MEGF11: variants seen among roughly 807,000 people sequenced by gnomAD.
MEGF11 encodes multiple EGF like domains 11, also known as multiple epidermal growth factor-like domains protein 11.
Under a neutral mutation model 146.6 loss-of-function variants are expected in MEGF11, and 126 were observed. That is an observed-to-expected ratio of 0.86 (90% CI 0.74 to 1.00). The LOEUF is 1.00. Ranked by LOEUF, MEGF11 falls within the 50% of genes least tolerant of loss-of-function variation. The probability of loss-of-function intolerance (pLI) is 0.00; values close to 1 mark genes in which losing one functional copy is unlikely to be tolerated. For synonymous variants in MEGF11, 532 were observed against 583.4 expected (o/e 0.91, Z 1.27); for missense variants, 1,509 against 1,521.2 (o/e 0.99, Z 0.13).
At chr15:66,023,140 C>CAAAAAAAAAAAACA (rs2083211848) in intron 5 of MEGF11, among the ~76,000 whole-genome samples, 1 of 123,714 alleles carries the variant, frequency 8.1e-6, no homozygotes, top group Non-Finnish European at 1.6e-5. Context: ...GACTCCATCT[C>CAAAAAAAAAAAACA]AAAAAAAAAA....
At chr15:66,104,683 C>T (rs927193079) in intron 4 of MEGF11, among the ~76,000 whole-genome samples, 1 of 152,166 alleles carries the variant, frequency 6.6e-6, no homozygotes, top group Non-Finnish European at 1.5e-5. Flanking sequence ...GGTCTTCTTA[C>T]ATTACAGATA....
intron 5 of MEGF11, among the ~76,000 whole-genome samples, chr15:66,045,594 G>A (rs539504432): frequency 6.6e-6 from 1 of 152,336 alleles, no homozygotes; most frequent in African/African-American, 2.4e-5. Context: ...GTCCGGGCCA[G>A]CAGGCTGTGA....
chr15:66,176,202 G>A (rs187941043), intron 1 of MEGF11, among the ~76,000 whole-genome samples: 4 of 152,348 alleles, frequency 2.6e-5, no homozygotes, highest in African/African-American at 9.6e-5. Flanking sequence ...CTTACAAGCT[G>A]TGGGTGGGAA....
chr15:66,088,409 C>G (rs2086197595), intron 5 of MEGF11, among the ~76,000 whole-genome samples: 1 of 152,206 alleles, frequency 6.6e-6, no homozygotes, highest in Non-Finnish European at 1.5e-5. Flanking sequence ...GTAATCCCAG[C>G]ACTTTGGGAG....
chr15:66,117,878 G>A (rs925419233), intron 4 of MEGF11, among the ~76,000 whole-genome samples: 3 of 152,100 alleles, frequency 2.0e-5, no homozygotes, highest in Non-Finnish European at 4.4e-5. Context: ...CATCACTACC[G>A]AACCCATTGG....
intron 1 of MEGF11, among the ~76,000 whole-genome samples, chr15:66,165,078 C>G (rs993462640): frequency 2.0e-5 from 3 of 152,208 alleles, no homozygotes; most frequent in Non-Finnish European, 4.4e-5. Flanking sequence ...TATGACCAAC[C>G]CCTCACAGCA....
At chr15:66,082,426 A>T (rs1209596303) in intron 5 of MEGF11, among the ~76,000 whole-genome samples, 23 of 6,024 alleles carry the variant, frequency 3.8e-3, no homozygotes, top group African/African-American at 8.0e-3. Flanking sequence ...CATCTCTACT[A>T]AAAAAAAAAA....
intron 1 of MEGF11, among the ~76,000 whole-genome samples, chr15:66,230,973 A>G (rs1243919630): frequency 4.6e-5 from 7 of 152,156 alleles, no homozygotes; most frequent in African/African-American, 1.7e-4. Flanking sequence ...TCCTTCCTAC[A>G]GCAGCCTTGC....
Position 65,982,410 on chromosome 15 carries a change from G to C in MEGF11, c.473C>G (p.Thr158Arg), listed in dbSNP as rs2081683977. 2 of 1,535,520 alleles carry C rather than the reference G, an allele frequency of 1.3e-6. No individual in the cohort carries two copies. Among genetic ancestry groups the C allele is most frequent in the East Asian group, 2.4e-5 (1 of 41,142 alleles). The part of the protein sequence containing the change: ...CQNGALCNPI[T>R]GACVCAAGFR... ...GCCGGCGGCGCACACGCAGGCGCCTGTGATGGGGTTACACAGGGCGCCGTT... is the reference window on the plus strand; with the variant it reads ...GCCGGCGGCGCACACGCAGGCGCCTCTGATGGGGTTACACAGGGCGCCGTT... Residue 158 changes from threonine to arginine, a missense_variant, in exon 6 of 26, where the codon ACA becomes AGA. Thr to Arg is a moderately conservative substitution (Grantham distance 71). Transcript: ENST00000395614. This position sits in a 1 kb window ranked among gnomAD's most constrained non-coding sequence, Gnocchi z 5.6.
Position 65,961,016 on chromosome 15 carries a change from TTACTC to T in MEGF11, c.1113-3300_1113-3296del, listed in dbSNP as rs542020973. ...TGGGATATCTACTTTCTTAATTTGA[TTACTC>T]TACTTATCTTATAGAAACTCCAAAA... On this transcript the variant is annotated intron_variant, in intron 9 of 25. Transcript: ENST00000395614. Among the ~76,000 whole-genome samples, 42 of 152,298 alleles carry T rather than the reference TTACTC, an allele frequency of 2.8e-4. No individual in the cohort carries two copies. In the East Asian group the frequency reaches 6.0e-3, roughly 22 times the overall value.
At chr15:65,922,304 T>G in intron 15 of MEGF11, 34 bp downstream of exon 15, 2 of 1,599,562 alleles carry the variant, frequency 1.3e-6, no homozygotes, top group Non-Finnish European at 1.7e-6. Context: ...ACCTCTCACC[T>G]CCCCACCCAG....
chr15:66,092,102 A>C (rs2086345466), intron 5 of MEGF11, among the ~76,000 whole-genome samples: 1 of 151,666 alleles, frequency 6.6e-6, no homozygotes, highest in Non-Finnish European at 1.5e-5. Flanking sequence ...GGACTTTATT[A>C]TGAGCAAGAA....
intron 5 of MEGF11, among the ~76,000 whole-genome samples, chr15:66,057,374 T>G (rs2084719263): frequency 6.6e-6 from 1 of 152,128 alleles, no homozygotes; most frequent in African/African-American, 2.4e-5. Context: ...AAGCTGTCTT[T>G]TGTAGTAATT....
At chr15:66,250,102 C>A (rs751658727) in intron 1 of MEGF11, among the ~76,000 whole-genome samples, 1 of 152,200 alleles carries the variant, frequency 6.6e-6, no homozygotes, top group Admixed American at 6.5e-5. Context: ...TACCTGGCAC[C>A]AGTCTCTATG....
chr15:65,942,227 G>C (rs1003484468), intron 10 of MEGF11, among the ~76,000 whole-genome samples: 1 of 152,156 alleles, frequency 6.6e-6, no homozygotes, highest in Admixed American at 6.5e-5. Flanking sequence ...CAAATGTCCT[G>C]AGCCCATGCA....
chr15:66,184,454 T>C (rs919945234), intron 1 of MEGF11, among the ~76,000 whole-genome samples: 1 of 151,606 alleles, frequency 6.6e-6, no homozygotes. Flanking sequence ...CACCCTCCAT[T>C]CCCCATCCAT....
intron 19 of MEGF11, among the ~76,000 whole-genome samples, chr15:65,914,592 C>G (rs1203020273): frequency 6.6e-6 from 1 of 152,174 alleles, no homozygotes; most frequent in Non-Finnish European, 1.5e-5. Flanking sequence ...TGCCCCCACC[C>G]TCCATGCTGA....
intron 1 of MEGF11, among the ~76,000 whole-genome samples, chr15:66,227,690 C>T (rs1354485063): frequency 6.6e-6 from 1 of 152,140 alleles, no homozygotes; most frequent in Non-Finnish European, 1.5e-5. Context: ...GAAGACAGCA[C>T]CTTTCTTCCC....
At chr15:65,954,284 T>C (rs1037433852) in intron 10 of MEGF11, among the ~76,000 whole-genome samples, 1 of 152,200 alleles carries the variant, frequency 6.6e-6, no homozygotes. Context: ...TAATTATTAC[T>C]GACTGCGGGA....
Sources: allele counts gnomAD v4.1 joint callset (sites outside exome capture counted in the v4.1 genomes callset), GRCh38; gene constraint gnomAD v4.1.1; non-coding constraint Gnocchi (gnomAD v3.1); transcripts MANE v1.5; gene names NCBI Gene and HGNC (gene_info 2026-07-23, HGNC 2026-07-21).